Variants in GABRA4 observed in about 807,000 individuals in gnomAD.
GABRA4 encodes the protein gamma-aminobutyric acid type A receptor subunit alpha4, also known as gamma-aminobutyric acid receptor subunit alpha-4.
Under a neutral mutation model 49.7 loss-of-function variants are expected in GABRA4, and 12 were observed. The observed-to-expected ratio is 0.24, with a 90% CI of 0.15 to 0.39. The LOEUF is 0.39. GABRA4 is among the 10% of genes least tolerant of loss of function. The probability of loss-of-function intolerance (pLI) is 1.00; values close to 1 mark genes in which losing one functional copy is unlikely to be tolerated. For synonymous variants in GABRA4, 288 were observed against 240.2 expected, an observed-to-expected ratio of 1.20 and a Z score of -1.84; for missense variants, 506 against 686.0, an observed-to-expected ratio of 0.74 and a Z score of 2.93.
intron 2 of GABRA4, among the ~76,000 whole-genome samples, chr4:46,982,841 C>A (rs752203168): frequency 6.6e-6 from 1 of 151,948 alleles, no homozygotes; most frequent in African/African-American, 2.4e-5. Context: ...TTGTTCAAGT[C>A]GAGAGTTGGT....
intron 8 of GABRA4, among the ~76,000 whole-genome samples, chr4:46,932,492 A>G (rs144745130): frequency 3.9e-4 from 60 of 152,268 alleles, no homozygotes; most frequent in African/African-American, 1.3e-3. Context: ...GAAAAATTAT[A>G]CAAGACTTGG....
rs533290725 is a variant in GABRA4, at chr4:46,973,159, G to C, written c.721+1073C>G. On this transcript the variant is annotated intron_variant, in intron 6 of 8. Coordinates refer to ENST00000264318, the MANE Select transcript of GABRA4 (RefSeq NM_000809.4). ...ATACATGGAAATAATTTAGAAGGGTGCCCATCAGATGGTGATTGCTGAATA... is the reference window on the plus strand; with the variant it reads ...ATACATGGAAATAATTTAGAAGGGTCCCCATCAGATGGTGATTGCTGAATA... Among the ~76,000 whole-genome samples, 10 of 151,854 alleles carry C rather than the reference G, an allele frequency of 6.6e-5. 1 individual carries two copies. The highest frequency in any genetic ancestry group is 6.6e-4 in the Admixed American group (10 of 15,192).
rs746044984 is a variant in GABRA4 at position 46,993,395 on chromosome 4, G to T, written c.30C>A (p.Ile10=). The T allele has an allele frequency of 1.2e-6, 2 of 1,614,198 alleles. No homozygotes were observed. The highest frequency in any genetic ancestry group is 1.7e-6 in the Non-Finnish European group (2 of 1,180,032). The change falls in exon 1 of 9, where the codon ATC becomes ATA. Residue 10 remains isoleucine, a synonymous_variant. Coordinates refer to ENST00000264318, the MANE Select transcript of GABRA4 (RefSeq NM_000809.4). Reference sequence around the variant, plus strand: ...CGAAACTGACCCCGGCGGACAGAGCGATCGCGGGTACCTTCTTGGCAGAAA... The same window carrying T: ...CGAAACTGACCCCGGCGGACAGAGCTATCGCGGGTACCTTCTTGGCAGAAA... MVSAKKVPA[I]ALSAGVSFAL...
intron 8 of GABRA4, among the ~76,000 whole-genome samples, chr4:46,946,144 C>T (rs994206693): frequency 2.8e-4 from 43 of 152,274 alleles, no homozygotes; most frequent in African/African-American, 9.9e-4. Flanking sequence ...TCTCATGTAA[C>T]TGGCTATATC....
chr4:46,992,643 G>A, intron 2 of GABRA4, 185 bp downstream of exon 2: 1 of 599,780 alleles, frequency 1.7e-6, no homozygotes, highest in Non-Finnish European at 3.0e-6. Flanking sequence ...GGGGCAGGGA[G>A]ATGGGAAAGT....
At chr4:46,942,332 T>C (rs921112594) in intron 8 of GABRA4, among the ~76,000 whole-genome samples, 13 of 152,164 alleles carry the variant, frequency 8.5e-5, no homozygotes, top group Non-Finnish European at 1.6e-4. Flanking sequence ...TCACTCACTT[T>C]TTAACTCATT....
intron 8 of GABRA4, among the ~76,000 whole-genome samples, chr4:46,943,155 T>C (rs953477790): frequency 4.6e-5 from 7 of 152,126 alleles, no homozygotes; most frequent in Non-Finnish European, 8.8e-5. Context: ...CAAAGTCTAA[T>C]AGAGGTACGA....
chr4:46,925,780 GC>G lies in GABRA4; in HGVS notation c.*2444del, dbSNP rs1320128260. ...ATTATCATCATTATTATCATTGTGT[GC>G]AAATGAAATAATTTATTTTAATAAT... On this transcript the variant is annotated 3_prime_UTR_variant, in exon 9 of 9. Coordinates refer to ENST00000264318, the MANE Select transcript of GABRA4 (RefSeq NM_000809.4). 3 of 145,916 alleles carry G rather than the reference GC, an allele frequency of 2.1e-5. No homozygotes were observed. The highest frequency in any genetic ancestry group is 5.0e-5 in the African/African-American group (2 of 39,872). 9.0% of individuals were successfully genotyped at this position (145,916 alleles called of 1,614,324 possible).
chr4:46,960,212 A>G (rs765357896), intron 8 of GABRA4, among the ~76,000 whole-genome samples: 1 of 151,722 alleles, frequency 6.6e-6, no homozygotes, highest in Non-Finnish European at 1.5e-5. Flanking sequence ...TTTTATTACT[A>G]GAGGCCTGGA....
At chr4:46,960,432 T>A (rs1483473196) in intron 8 of GABRA4, among the ~76,000 whole-genome samples, 6 of 151,824 alleles carry the variant, frequency 4.0e-5, no homozygotes, top group South Asian at 2.1e-4. Flanking sequence ...AAAATTGTTT[T>A]AATAATCAAA....
intron 2 of GABRA4, among the ~76,000 whole-genome samples, chr4:46,985,980 G>C (rs1723520601): frequency 6.6e-6 from 1 of 151,716 alleles, no homozygotes; most frequent in Non-Finnish European, 1.5e-5. Flanking sequence ...CTTGAAAAAA[G>C]AAAGGCAAAC....
At chr4:46,937,222 T>C (rs1721632450) in intron 8 of GABRA4, among the ~76,000 whole-genome samples, 2 of 152,152 alleles carry the variant, frequency 1.3e-5, no homozygotes, top group African/African-American at 4.8e-5. Context: ...ACAGCTATCT[T>C]CACATCAAGA....
Position 46,920,869 on chromosome 4 carries a change from T to C in GABRA4, c.*7356A>G, listed in dbSNP as rs563849026. 1 of 152,014 alleles carries C rather than the reference T, an allele frequency of 6.6e-6. No homozygotes were observed. The highest frequency in any genetic ancestry group is 2.1e-4 in the South Asian group (1 of 4,830). 9.4% of individuals were successfully genotyped at this position (152,014 alleles called of 1,614,324 possible). On this transcript the variant is annotated 3_prime_UTR_variant, in exon 9 of 9. Coordinates refer to ENST00000264318, the MANE Select transcript of GABRA4 (RefSeq NM_000809.4). ...GTTAATATAGAATATATTTAATTTA[T>C]CCTTTACTACTTGTGTAACATAATC...
At chr4:46,940,216 TA>T (rs1427705991) in intron 8 of GABRA4, among the ~76,000 whole-genome samples, 1 of 152,070 alleles carries the variant, frequency 6.6e-6, no homozygotes, top group Non-Finnish European at 1.5e-5. Context: ...TATAGCACTT[TA>T]AAAAGCTATT....
chr4:46,988,806 G>C (rs564288545), intron 2 of GABRA4, among the ~76,000 whole-genome samples: 5 of 152,214 alleles, frequency 3.3e-5, no homozygotes, highest in African/African-American at 1.2e-4. Context: ...AGAGTGCCTC[G>C]GAAGTGGATA....
chr4:46,973,899 C>T (rs1033847110), intron 6 of GABRA4, among the ~76,000 whole-genome samples: 11 of 151,672 alleles, frequency 7.3e-5, no homozygotes, highest in African/African-American at 1.4e-4. Flanking sequence ...CATCAAAAAC[C>T]GAAAGCAGAA....
chr4:46,963,753 C>T (rs1243343939), intron 8 of GABRA4, among the ~76,000 whole-genome samples: 8 of 151,842 alleles, frequency 5.3e-5, no homozygotes, highest in South Asian at 4.1e-4. Flanking sequence ...ACTACAATGA[C>T]GCATCATCTC....
At chr4:46,940,761 C>A (rs1721762060) in intron 8 of GABRA4, among the ~76,000 whole-genome samples, 1 of 151,720 alleles carries the variant, frequency 6.6e-6, no homozygotes, top group Non-Finnish European at 1.5e-5. Context: ...ATTGCTGAAG[C>A]CATTTGGCTG....
rs925415281 is a variant in GABRA4, at chr4:46,940,911, T to A, written c.1135-12156A>T. 2.0e-5 allele frequency among the ~76,000 whole-genome samples: 3 copies of A among 152,226 alleles called. No individual in the cohort carries two copies. The South Asian group carries it at 6.2e-4, about 32-fold the overall frequency. On this transcript the variant is annotated intron_variant, in intron 8 of 8. Transcript: ENST00000264318. ...AACAGCTGTTCATCCAAAGTGAAAC[T>A]TTTTTTAACTTTCTCTGAGTCTAGC...
Sources: allele counts gnomAD v4.1 joint callset (sites outside exome capture counted in the v4.1 genomes callset), GRCh38; gene constraint gnomAD v4.1.1; transcripts MANE v1.5; gene names NCBI Gene and HGNC (gene_info 2026-07-23, HGNC 2026-07-21).